ROR1: variants seen among roughly 807,000 people sequenced by gnomAD.
ROR1 encodes the protein inactive tyrosine-protein kinase transmembrane receptor ROR1.
ROR1 carries 19 observed loss-of-function variants against 78.8 expected under a neutral mutation model. That is an observed-to-expected ratio of 0.24 (90% CI 0.17 to 0.35). The LOEUF (loss-of-function observed/expected upper bound fraction) is 0.35. ROR1 is among the 10% of genes least tolerant of loss of function. ROR1 has a pLI of 1.00. For missense variants in ROR1, 917 were observed against 1,177.8 expected, an observed-to-expected ratio of 0.78 and a Z score of 3.24; for synonymous variants, 386 against 433.6, an observed-to-expected ratio of 0.89 and a Z score of 1.36.
At chr1:63,802,780 G>A (rs1341402787) in intron 1 of ROR1, among the ~76,000 whole-genome samples, 4 of 152,120 alleles carry the variant, frequency 2.6e-5, no homozygotes, top group African/African-American at 9.7e-5. Flanking sequence ...ATCACCTCTA[G>A]CAACCTACAA....
At chr1:63,983,784 A>G (rs1307472521) in intron 1 of ROR1, among the ~76,000 whole-genome samples, 2 of 152,154 alleles carry the variant, frequency 1.3e-5, no homozygotes, top group African/African-American at 4.8e-5. Context: ...ACAGGCACAG[A>G]TCTGAATCTT....
chr1:64,074,562 A>C (rs548370744), intron 4 of ROR1, among the ~76,000 whole-genome samples: 2 of 152,356 alleles, frequency 1.3e-5, no homozygotes, highest in East Asian at 3.9e-4. Flanking sequence ...ATCTGTGGAC[A>C]AGAAATGAAA....
At chr1:64,144,995 T>C (rs1260784908) in intron 7 of ROR1, among the ~76,000 whole-genome samples, 1 of 152,166 alleles carries the variant, frequency 6.6e-6, no homozygotes, top group African/African-American at 2.4e-5. Context: ...TTAGGATTTA[T>C]TGTGAGAATA....
intron 8 of ROR1, among the ~76,000 whole-genome samples, chr1:64,165,533 T>C (rs1320296981): frequency 6.6e-6 from 1 of 152,168 alleles, no homozygotes; most frequent in Non-Finnish European, 1.5e-5. Flanking sequence ...CTGTTGATAG[T>C]TTCTTTTGCT....
intron 1 of ROR1, among the ~76,000 whole-genome samples, chr1:63,995,611 T>C (rs980957678): frequency 1.3e-5 from 2 of 152,188 alleles, no homozygotes; most frequent in African/African-American, 4.8e-5. Flanking sequence ...AAAGACTGGA[T>C]TTCAAATCTT....
At chr1:63,900,202 C>G (rs1265772194) in intron 1 of ROR1, among the ~76,000 whole-genome samples, 2 of 152,014 alleles carry the variant, frequency 1.3e-5, no homozygotes, top group African/African-American at 2.4e-5. Flanking sequence ...GCTTGTAATC[C>G]CAGCACCTTG....
chr1:63,959,704 C>T (rs918493144), intron 1 of ROR1, among the ~76,000 whole-genome samples: 2 of 152,142 alleles, frequency 1.3e-5, no homozygotes, highest in Non-Finnish European at 2.9e-5. Flanking sequence ...GCTTGCTACC[C>T]GAATCAACAT....
At chr1:63,805,016 G>C (rs943524987) in intron 1 of ROR1, among the ~76,000 whole-genome samples, 1 of 152,204 alleles carries the variant, frequency 6.6e-6, no homozygotes, top group Admixed American at 6.5e-5. Context: ...TTAGTCCCTG[G>C]TGAGTATTTC....
chr1:63,946,917 C>T lies in ROR1; in HGVS notation c.92-62388C>T, dbSNP rs76570735. On this transcript the variant is annotated intron_variant, in intron 1 of 8. Transcript: ENST00000371079. ...CGGAGGGAGTAAGGCTTCACCAGAC[C>T]TCTGACCCTTCTGAAGCCATACCTT... 1.6e-4 allele frequency among the ~76,000 whole-genome samples: 25 copies of T among 152,314 alleles called. No homozygotes were observed. The East Asian group carries it at 4.8e-3, about 29-fold the overall frequency.
chr1:64,143,735 A>G (rs1649395655), intron 7 of ROR1, among the ~76,000 whole-genome samples: 1 of 152,192 alleles, frequency 6.6e-6, no homozygotes, highest in African/African-American at 2.4e-5. Context: ...CAAAGAAGCA[A>G]GGAGTCATGG....
chr1:63,835,623 C>T (rs1257662568), intron 1 of ROR1, among the ~76,000 whole-genome samples: 1 of 152,142 alleles, frequency 6.6e-6, no homozygotes, highest in Non-Finnish European at 1.5e-5. Context: ...CAGTCGTGTG[C>T]CAGATACTGT....
intron 4 of ROR1, among the ~76,000 whole-genome samples, chr1:64,068,916 A>T (rs1646979461): frequency 6.6e-6 from 1 of 152,232 alleles, no homozygotes; most frequent in Non-Finnish European, 1.5e-5. Flanking sequence ...TGCCTCATCA[A>T]AAACTGAAGA....
intron 1 of ROR1, among the ~76,000 whole-genome samples, chr1:63,847,877 G>A (rs905905917): frequency 1.3e-5 from 2 of 152,180 alleles, no homozygotes; most frequent in Non-Finnish European, 2.9e-5. Context: ...GCATGGGGAT[G>A]ATTCTTCTGT....
rs1026892288 is a variant in ROR1 at position 64,178,281 on chromosome 1, G to A, written c.2240G>A (p.Arg747Gln). The A allele has an allele frequency of 6.8e-6, 11 of 1,614,002 alleles. No homozygotes were observed. The highest frequency in any genetic ancestry group is 7.6e-6 in the Non-Finnish European group (9 of 1,179,994). The change falls in exon 9 of 9, where the codon CGG becomes CAG. Residue 747 changes from arginine (R) to glutamine (Q), a missense_variant. Physicochemically the swap from Arg to Gln is conservative, Grantham distance 43 (BLOSUM62 1). This residue lies in a region of ROR1 where 835 missense variants were observed against 1,069.8 expected (regional missense o/e 0.78). Coordinates refer to ENST00000371079, the MANE Select transcript of ROR1 (RefSeq NM_005012.4). This position sits in a 1 kb window ranked among gnomAD's most constrained non-coding sequence, Gnocchi z 4.3. The part of the protein sequence containing the change: ...PRFKDIHVRL[R>Q]SWEGLSSHTS... The stretch of plus-strand genomic sequence containing the variant: ...TTTAAAGATATTCACGTCCGGCTTC[G>A]GTCCTGGGAGGGACTCTCAAGTCAC...
intron 1 of ROR1, among the ~76,000 whole-genome samples, chr1:63,880,339 C>T (rs145429961): frequency 3.7e-4 from 56 of 152,224 alleles, no homozygotes; most frequent in African/African-American, 1.3e-3. Flanking sequence ...CCAAAATATT[C>T]TTCTCATGGG....
chr1:63,807,169 A>T (rs1055880139), intron 1 of ROR1, among the ~76,000 whole-genome samples: 4 of 152,214 alleles, frequency 2.6e-5, no homozygotes, highest in Non-Finnish European at 4.4e-5. Context: ...GAGACTCTCC[A>T]TGGCAACCTG....
chr1:63,822,865 AC>A (rs1421260211), intron 1 of ROR1, among the ~76,000 whole-genome samples: 1 of 152,178 alleles, frequency 6.6e-6, no homozygotes, highest in Non-Finnish European at 1.5e-5. Context: ...CTTGGCAATA[AC>A]CCTTTGAAGT....
Position 64,159,021 on chromosome 1 carries a change from G to A in ROR1, c.1215G>A (p.Leu405=). ...DSKEKNKMEI[L]YILVPSVAIP... ...AGGAGAAGAATAAAATGGAAATCCTGTACATACTAGTGCCAAGTGTGGCCA... is the reference window on the plus strand; with the variant it reads ...AGGAGAAGAATAAAATGGAAATCCTATACATACTAGTGCCAAGTGTGGCCA... Residue 405 remains leucine (L), a synonymous_variant, in exon 8 of 9, where the codon CTG becomes CTA. Coordinates refer to ENST00000371079, the MANE Select transcript of ROR1 (RefSeq NM_005012.4). The A allele has an allele frequency of 1.9e-6, 3 of 1,614,168 alleles. No homozygotes were observed. Among genetic ancestry groups the A allele is most frequent in the Non-Finnish European group, 2.5e-6 (3 of 1,180,014 alleles).
chr1:64,154,572 T>G (rs1355510268), intron 7 of ROR1, among the ~76,000 whole-genome samples: 1 of 152,208 alleles, frequency 6.6e-6, no homozygotes, highest in African/African-American at 2.4e-5. Flanking sequence ...ATTACTTTGC[T>G]TTAAGCTTCA....
Sources: allele counts gnomAD v4.1 joint callset (sites outside exome capture counted in the v4.1 genomes callset), GRCh38; gene constraint gnomAD v4.1.1; regional missense constraint gnomAD v4.1.1; non-coding constraint Gnocchi (gnomAD v3.1); transcripts MANE v1.5; gene names NCBI Gene and HGNC (gene_info 2026-07-23, HGNC 2026-07-21).